Variants in BRDT observed in about 807,000 individuals in gnomAD.
BRDT encodes bromodomain testis associated.
BRDT carries 77 observed loss-of-function variants against 113.9 expected under a neutral mutation model. The ratio of observed to expected loss-of-function variants is 0.68; its 90% CI spans 0.56 to 0.82. The LOEUF (loss-of-function observed/expected upper bound fraction) is 0.82, where lower values mean the gene tolerates loss of function less well. BRDT is among the 40% of genes least tolerant of loss of function. The probability of loss-of-function intolerance (pLI) is 0.00; values close to 1 mark genes in which losing one functional copy is unlikely to be tolerated. For synonymous variants in BRDT, 358 were observed against 366.5 expected (o/e 0.98, Z 0.26); for missense variants, 1,027 against 1,105.4 (o/e 0.93, Z 1.01).
intron 15 of BRDT, among the ~76,000 whole-genome samples, chr1:91,994,870 A>C (rs1209249079): frequency 5.6e-5 from 7 of 125,034 alleles, no homozygotes; most frequent in African/African-American, 1.9e-4. Context: ...TCCGTCTCAA[A>C]AAAAAAAAAA....
chr1:91,974,971 T>C (rs944065395), intron 4 of BRDT, among the ~76,000 whole-genome samples: 4 of 152,198 alleles, frequency 2.6e-5, no homozygotes, highest in South Asian at 2.1e-4. Flanking sequence ...GATGAGTTCA[T>C]GTCCTTTGTA....
At chr1:91,975,826 G>C (rs1684087810) in intron 4 of BRDT, among the ~76,000 whole-genome samples, 1 of 152,178 alleles carries the variant, frequency 6.6e-6, no homozygotes, top group African/African-American at 2.4e-5. Flanking sequence ...AGAAGGTATT[G>C]ATAAGAGAAT....
chr1:91,981,749 G>A lies in BRDT; in HGVS notation c.1996G>A (p.Glu666Lys), dbSNP rs1684755544. The A allele has an allele frequency of 6.2e-7, 1 of 1,613,090 alleles. No homozygotes were observed. The highest frequency in any genetic ancestry group is 1.1e-5 in the South Asian group (1 of 90,874). ...DLSSSDSSDS[E>K]SEMFPKFTEV... The stretch of plus-strand genomic sequence containing the variant: ...AAGCTCTTCAGACAGCAGTGATTCT[G>A]AATCAGGTTAGCTGTCCCCTTAAAT... The change falls in exon 12 of 19, where the codon GAA becomes AAA. Residue 666 changes from glutamate (E) to lysine (K), a missense_variant. Physicochemically the swap from Glu to Lys is moderately conservative, Grantham distance 56 (BLOSUM62 1). Coordinates refer to ENST00000399546, the MANE Select transcript of BRDT (RefSeq NM_207189.4).
rs1418665867 is a variant in BRDT, at chr1:92,004,477, G to A, written c.2452G>A (p.Val818Ile). 1 of 1,612,756 alleles carries A rather than the reference G, an allele frequency of 6.2e-7. No homozygotes were observed. The highest frequency in any genetic ancestry group is 1.7e-5 in the Admixed American group (1 of 59,714). ...SLGKPVKPSG[V>I]MKSSDELFNQ... ...AGGCAAACCAGTGAAACCATCAGGT[G>A]TAATGAAATCCTCAGATGAGCTCTT... The change falls in exon 17 of 19, where the codon GTA becomes ATA. Residue 818 changes from valine to isoleucine, a missense_variant. Transcript: ENST00000399546.
At chr1:91,969,801 TTTTG>T (rs1381649124) in intron 4 of BRDT, among the ~76,000 whole-genome samples, 1 of 150,540 alleles carries the variant, frequency 6.6e-6, no homozygotes, top group African/African-American at 2.5e-5. Flanking sequence ...GTTTAAGTTT[TTTTG>T]TTTTTGTGTG....
rs374044683 is a variant in BRDT at position 92,007,896 on chromosome 1, T to TATTC, written c.2775+2622_2775+2625dup. 4.5e-3 allele frequency among the ~76,000 whole-genome samples: 671 copies of TATTC among 150,770 alleles called. 6 individuals are homozygous for TATTC. The highest frequency in any genetic ancestry group is 0.014 in the South Asian group (67 of 4,740). The stretch of plus-strand genomic sequence containing the variant: ...TCATTCCTTTATTTATTTATTTATT[T>TATTC]ATTCATTCATTCATTCATTCATTCA... On this transcript the variant is annotated intron_variant, in intron 18 of 18. Coordinates refer to ENST00000399546, the MANE Select transcript of BRDT (RefSeq NM_207189.4).
intron 18 of BRDT, among the ~76,000 whole-genome samples, chr1:92,007,514 T>C (rs1570651393): frequency 6.6e-6 from 1 of 152,346 alleles, no homozygotes; most frequent in Non-Finnish European, 1.5e-5. Context: ...CTGCATTTGT[T>C]TGCTGAGGAT....
At chr1:91,985,185 G>A (rs1173069038) in intron 12 of BRDT, among the ~76,000 whole-genome samples, 2 of 151,828 alleles carry the variant, frequency 1.3e-5, no homozygotes, top group African/African-American at 2.4e-5. Flanking sequence ...GGGTTCAAGC[G>A]ATCGAGTAGC....
intron 15 of BRDT, among the ~76,000 whole-genome samples, chr1:91,998,424 A>G (rs923216322): frequency 6.6e-6 from 1 of 152,304 alleles, no homozygotes; most frequent in South Asian, 2.1e-4. Flanking sequence ...GTTGATGGGT[A>G]CAGCAAACCA....
chr1:91,994,303 A>G, intron 15 of BRDT, 49 bp downstream of exon 15: 1 of 1,389,204 alleles, frequency 7.2e-7, no homozygotes, highest in South Asian at 1.4e-5. Flanking sequence ...TGACTTCTAA[A>G]CCTATACATA....
At position 92,014,421 on chromosome 1, in the gene BRDT, A is replaced by G. The variant is rs1380149816; in HGVS notation, c.*147A>G. ...AAATGATTAAACAGTTTTCACTTAC[A>G]TTTTTAATAGCTATATGCTTATTTT... is the stretch of plus-strand genomic sequence containing the variant. On this transcript the variant is annotated 3_prime_UTR_variant, in exon 19 of 19. Transcript: ENST00000399546. 1.8e-6 allele frequency: 1 copy of G among 548,904 alleles called. No individual in the cohort carries two copies. Among genetic ancestry groups the G allele is most frequent in the South Asian group, 2.9e-5 (1 of 35,006 alleles). 34.0% of individuals were successfully genotyped at this position (548,904 alleles called of 1,614,324 possible). A position where few individuals can be genotyped will look rare whatever the true frequency, so the allele number is the denominator to read the frequency against.
At chr1:91,951,689 C>A (rs1681104327) in intron 1 of BRDT, among the ~76,000 whole-genome samples, 1 of 151,934 alleles carries the variant, frequency 6.6e-6, no homozygotes. Flanking sequence ...CAGAGAATTG[C>A]TTAAACCTGG....
intron 4 of BRDT, among the ~76,000 whole-genome samples, chr1:91,974,480 G>C (rs1399935532): frequency 6.6e-6 from 1 of 152,124 alleles, no homozygotes; most frequent in East Asian, 1.9e-4. Flanking sequence ...AGGATATGAA[G>C]AGACACTTCT....
At chr1:91,980,439 T>C (rs1684607179) in intron 8 of BRDT, among the ~76,000 whole-genome samples, 1 of 152,190 alleles carries the variant, frequency 6.6e-6, no homozygotes, top group Non-Finnish European at 1.5e-5. Context: ...AGTTTATGGG[T>C]TCAGCACATG....
At chr1:91,956,827 T>C (rs1681821704) in intron 1 of BRDT, among the ~76,000 whole-genome samples, 1 of 152,134 alleles carries the variant, frequency 6.6e-6, no homozygotes, top group Non-Finnish European at 1.5e-5. Flanking sequence ...CCTGTAGTCC[T>C]ACTCAGGAAA....
intron 15 of BRDT, among the ~76,000 whole-genome samples, chr1:92,001,754 A>G (rs1469329543): frequency 1.3e-5 from 2 of 151,978 alleles, no homozygotes; most frequent in African/African-American, 4.8e-5. Flanking sequence ...GAGAGCTGCT[A>G]TAGCATGGGG....
Position 92,005,190 on chromosome 1 carries a change from A to G in BRDT, c.2666A>G (p.Gln889Arg). ...CAAAACAAGTGCTCTGGAGAAGAGC[A>G]GAAAGAACATCAGCAGTCATCAGAA... is the stretch of plus-strand genomic sequence containing the variant. Reference protein sequence around the residue: ...KIQNKCSGEEQKEHQQSSEAQ... With the variant: ...KIQNKCSGEERKEHQQSSEAQ... The change falls in exon 18 of 19, where the codon CAG becomes CGG. Residue 889 changes from glutamine (Q) to arginine (R), a missense_variant. By Grantham distance (43) the Gln-to-Arg change is conservative. Coordinates refer to ENST00000399546, the MANE Select transcript of BRDT (RefSeq NM_207189.4). 1 of 1,578,418 alleles carries G rather than the reference A, an allele frequency of 6.3e-7. No individual in the cohort carries two copies. Among genetic ancestry groups the G allele is most frequent in the Admixed American group, 1.9e-5 (1 of 53,684 alleles).
intron 12 of BRDT, among the ~76,000 whole-genome samples, chr1:91,985,529 G>C (rs376397036): frequency 4.0e-5 from 6 of 150,886 alleles, no homozygotes; most frequent in African/African-American, 1.5e-4. Context: ...TTTTCATTTA[G>C]TATCTGTCTT....
chr1:91,975,838 C>G (rs1322200394), intron 4 of BRDT, among the ~76,000 whole-genome samples: 1 of 152,206 alleles, frequency 6.6e-6, no homozygotes, highest in East Asian at 1.9e-4. Context: ...TAAGAGAATC[C>G]TATTCACATC....
Sources: allele counts gnomAD v4.1 joint callset (sites outside exome capture counted in the v4.1 genomes callset), GRCh38; gene constraint gnomAD v4.1.1; transcripts MANE v1.5; gene names NCBI Gene and HGNC (gene_info 2026-07-23, HGNC 2026-07-21).